The following HEATR5B variants were observed in gnomAD, a reference collection of about 807,000 sequenced individuals.
HEATR5B encodes HEAT repeat containing 5B.
HEATR5B carries 156 observed loss-of-function variants against 224.1 expected under a neutral mutation model. The ratio of observed to expected loss-of-function variants is 0.70; its 90% CI spans 0.61 to 0.80. The LOEUF (loss-of-function observed/expected upper bound fraction) is 0.80, where lower values mean the gene tolerates loss of function less well. HEATR5B is among the 30% of genes least tolerant of loss of function. The pLI is 0.00. For synonymous variants in HEATR5B, 1,027 were observed against 893.0 expected (o/e 1.15, Z -2.68); for missense variants, 2,323 against 2,535.5 (o/e 0.92, Z 1.80).
rs145019222 is a variant in HEATR5B, at chr2:37,002,450, G to A, written c.5173C>T (p.Arg1725Trp). ...TMELLMFILV[R>W]HMPHLSTKVS... ...TTGGTACTGAGATGTGGCATATGCC[G>A]TACTAAAATGAACATCAGCAGCTCC... The change falls in exon 32 of 36, where the codon CGG becomes TGG. Residue 1725 changes from arginine (R) to tryptophan (W), a missense_variant. Coordinates refer to ENST00000233099, the MANE Select transcript of HEATR5B (RefSeq NM_019024.3). 2.1e-5 allele frequency: 34 copies of A among 1,614,060 alleles called. No homozygotes were observed. The highest frequency in any genetic ancestry group is 4.0e-5 in the African/African-American group (3 of 74,914).
intron 35 of HEATR5B, among the ~76,000 whole-genome samples, chr2:36,987,033 A>T (rs1246673879): frequency 6.6e-6 from 1 of 152,174 alleles, no homozygotes; most frequent in African/African-American, 2.4e-5. Context: ...GATTACAGGC[A>T]TGAGCCACTG....
chr2:37,030,104 T>C lies in HEATR5B; in HGVS notation c.3362-1184A>G, dbSNP rs1158064607. Reference sequence around the variant, plus strand: ...AGCAGCGGTATATAACTGGTGGCTTTAAGAATGAGTATTATTACGCCCTCT... The same window carrying C: ...AGCAGCGGTATATAACTGGTGGCTTCAAGAATGAGTATTATTACGCCCTCT... On this transcript the variant is annotated intron_variant, in intron 22 of 35. Transcript: ENST00000233099. Among the ~76,000 whole-genome samples the C allele has an allele frequency of 2.0e-5, 3 of 152,272 alleles. No homozygotes were observed. The East Asian group carries it at 5.8e-4, about 29-fold the overall frequency.
At chr2:36,994,851 C>T (rs1463987611) in intron 33 of HEATR5B, among the ~76,000 whole-genome samples, 9 of 151,216 alleles carry the variant, frequency 6.0e-5, no homozygotes, top group Admixed American at 2.0e-4. Context: ...CCCGGGTTCA[C>T]GCCATGCTCC....
At chr2:37,066,106 A>G (rs969088005) in intron 8 of HEATR5B, among the ~76,000 whole-genome samples, 196 bp from the exon 9 acceptor site, 3 of 152,258 alleles carry the variant, frequency 2.0e-5, no homozygotes, top group Non-Finnish European at 2.9e-5. Context: ...CTTTATAATA[A>G]TGCTAAAATA....
intron 35 of HEATR5B, among the ~76,000 whole-genome samples, chr2:36,986,671 C>A (rs1367904275): frequency 6.6e-6 from 1 of 151,866 alleles, no homozygotes; most frequent in African/African-American, 2.4e-5. Flanking sequence ...AGGCTGGAGC[C>A]CAGTGGGGTG....
chr2:37,011,369 G>A (rs1015535915), intron 27 of HEATR5B, among the ~76,000 whole-genome samples: 3 of 152,326 alleles, frequency 2.0e-5, no homozygotes, highest in South Asian at 4.1e-4. Context: ...TAAGCTGGAA[G>A]TAGCTGAAGT....
chr2:37,066,109 C>G (rs1390573199), intron 8 of HEATR5B, among the ~76,000 whole-genome samples, 199 bp from the exon 9 acceptor site: 2 of 152,152 alleles, frequency 1.3e-5, no homozygotes, highest in Non-Finnish European at 2.9e-5. Context: ...TATAATAATG[C>G]TAAAATATAT....
chr2:37,014,245 T>C (rs997127567), intron 26 of HEATR5B, among the ~76,000 whole-genome samples: 2 of 152,068 alleles, frequency 1.3e-5, no homozygotes, highest in African/African-American at 4.8e-5. Context: ...CACTGCAAGC[T>C]CCACCTCCTG....
chr2:37,027,066 T>C (rs1668825563), intron 24 of HEATR5B, among the ~76,000 whole-genome samples: 1 of 152,224 alleles, frequency 6.6e-6, no homozygotes, highest in Non-Finnish European at 1.5e-5. Context: ...CCCAAAGTGC[T>C]GGGATGTAAT....
chr2:37,023,177 C>T lies in HEATR5B; in HGVS notation c.3854-2341G>A, dbSNP rs556259803. On this transcript the variant is annotated intron_variant, in intron 24 of 35. Coordinates refer to ENST00000233099, the MANE Select transcript of HEATR5B (RefSeq NM_019024.3). The stretch of plus-strand genomic sequence containing the variant: ...TAAAGTAAAATATCTGAAATGAAAA[C>T]TACACTGGATAAAATTAATAGAGAT... 5.3e-5 allele frequency among the ~76,000 whole-genome samples: 8 copies of T among 152,150 alleles called. No homozygotes were observed. In the South Asian group the frequency reaches 1.5e-3, roughly 28 times the overall value.
intron 21 of HEATR5B, among the ~76,000 whole-genome samples, chr2:37,033,781 C>T (rs970318927): frequency 6.6e-6 from 1 of 152,154 alleles, no homozygotes; most frequent in Non-Finnish European, 1.5e-5. Context: ...GATTTGCCCA[C>T]ATGTAAGGTG....
chr2:36,984,215 A>AAAAAAAAAAAAAAAAAAAATATATAT, intron 35 of HEATR5B, among the ~76,000 whole-genome samples: 1 of 77,640 alleles, frequency 1.3e-5, no homozygotes, highest in African/African-American at 5.9e-5. Flanking sequence ...AAAAAAAAAA[A>AAAAAAAAAAAAAAAAAAAATATATAT]ATATATATAT....
intron 24 of HEATR5B, among the ~76,000 whole-genome samples, chr2:37,026,142 G>A (rs777955238): frequency 1.3e-5 from 2 of 152,176 alleles, no homozygotes; most frequent in Non-Finnish European, 2.9e-5. Flanking sequence ...GACATGTGAC[G>A]ACTGAAGAAG....
intron 2 of HEATR5B, among the ~76,000 whole-genome samples, chr2:37,080,020 G>T (rs1450358897): frequency 6.6e-6 from 1 of 152,318 alleles, no homozygotes. Context: ...TCTCTGAAAA[G>T]AAGTGAAGGG....
At chr2:37,079,029 C>T (rs9631047) in intron 3 of HEATR5B, 91 bp downstream of exon 3, 7 of 720,644 alleles carry the variant, frequency 9.7e-6, no homozygotes, top group Non-Finnish European at 1.6e-5. Flanking sequence ...GTTCCACCCA[C>T]CTGGGGGTTT....
At chr2:37,070,030 T>C (rs1386616952) in intron 7 of HEATR5B, among the ~76,000 whole-genome samples, 200 bp downstream of exon 7, 1 of 151,976 alleles carries the variant, frequency 6.6e-6, no homozygotes, top group Non-Finnish European at 1.5e-5. Flanking sequence ...CCTGAGAAGC[T>C]GGGACTACAG....
chr2:37,009,712 T>C (rs1256367615), intron 27 of HEATR5B, among the ~76,000 whole-genome samples: 2 of 152,174 alleles, frequency 1.3e-5, no homozygotes, highest in Non-Finnish European at 2.9e-5. Flanking sequence ...GGCATGTTCC[T>C]TGAGTAGCCT....
chr2:37,031,259 G>GA, intron 22 of HEATR5B, among the ~76,000 whole-genome samples: 1 of 152,106 alleles, frequency 6.6e-6, no homozygotes, highest in Admixed American at 6.5e-5. Flanking sequence ...GTCCACCCAG[G>GA]AAATCATCAA....
Position 37,019,893 on chromosome 2 carries a change from A to T in HEATR5B, c.4036-16T>A. 4.5e-6 allele frequency: 7 copies of T among 1,559,286 alleles called. No individual in the cohort carries two copies. The highest frequency in any genetic ancestry group is 6.1e-6 in the Non-Finnish European group (7 of 1,139,680). On this transcript the variant is annotated splice_polypyrimidine_tract_variant and intron_variant, in intron 25 of 35. Coordinates refer to ENST00000233099, the MANE Select transcript of HEATR5B (RefSeq NM_019024.3). ...CAGCTCCCACCTAGAAAAATAAATA[A>T]AGCATTTTATTTTTTACTTTTATTT...
Sources: gnomAD v4.1 joint callset for allele counts (sites outside exome capture counted in the v4.1 genomes callset) on GRCh38, gnomAD v4.1.1 for gene constraint, MANE v1.5 for transcripts, NCBI Gene and HGNC (gene_info 2026-07-23, HGNC 2026-07-21) for gene names.